MYO1B: variants seen among roughly 807,000 people sequenced by gnomAD.
MYO1B encodes unconventional myosin-Ib.
MYO1B carries 72 observed loss-of-function variants against 159.7 expected under a neutral mutation model. The observed-to-expected ratio is 0.45, with a 90% CI of 0.37 to 0.55. The LOEUF (loss-of-function observed/expected upper bound fraction) is 0.55, where lower values mean the gene tolerates loss of function less well. Ranked by LOEUF, MYO1B falls within the 20% of genes least tolerant of loss-of-function variation. The pLI is 0.00. For missense variants in MYO1B, 1,062 were observed against 1,364.8 expected, an observed-to-expected ratio of 0.78 and a Z score of 3.50; for synonymous variants, 468 against 473.8, an observed-to-expected ratio of 0.99 and a Z score of 0.16.
chr2:191,264,193 A>G (rs888865079), intron 1 of MYO1B, among the ~76,000 whole-genome samples: 3 of 152,166 alleles, frequency 2.0e-5, no homozygotes, highest in African/African-American at 7.2e-5. Context: ...CTCAATTTAC[A>G]TTATCAGTGT....
intron 2 of MYO1B, among the ~76,000 whole-genome samples, chr2:191,291,361 T>A (rs1688674974): frequency 6.6e-6 from 1 of 152,260 alleles, no homozygotes; most frequent in Admixed American, 6.5e-5. Context: ...TGATTCAGTG[T>A]CTGCCCTTGA....
chr2:191,310,060 G>A (rs908620110), intron 3 of MYO1B, among the ~76,000 whole-genome samples: 10 of 152,200 alleles, frequency 6.6e-5, no homozygotes, highest in African/African-American at 2.4e-4. Context: ...TGTCTTTAAG[G>A]ATTGTCCATT....
intron 26 of MYO1B, among the ~76,000 whole-genome samples, chr2:191,410,337 A>G (rs1697181691): frequency 1.3e-5 from 2 of 152,114 alleles, no homozygotes; most frequent in Admixed American, 6.5e-5. Context: ...TCTTCATGCA[A>G]TTATTTCAGT....
intron 14 of MYO1B, 131 bp downstream of exon 14, chr2:191,381,697 C>A: frequency 1.5e-6 from 1 of 656,132 alleles, no homozygotes; most frequent in Non-Finnish European, 2.6e-6. Flanking sequence ...ATCTGTCATT[C>A]TAGAAGAGGC....
rs759784680 is a variant in MYO1B at position 191,400,746 on chromosome 2, C to T, written c.2383-3C>T. On this transcript the variant is annotated splice_region_variant and splice_polypyrimidine_tract_variant and intron_variant, in intron 22 of 30. Transcript: ENST00000392318. ...CTGTAACTCCTTTTCAAATGCATCA[C>T]AGGCACGAAGGGAACTGAGACGGCT... is the stretch of plus-strand genomic sequence containing the variant. 2.5e-5 allele frequency: 40 copies of T among 1,613,746 alleles called. No individual in the cohort carries two copies. In the East Asian group the frequency reaches 8.0e-4, roughly 32 times the overall value.
At chr2:191,303,185 G>GT (rs201643544) in intron 3 of MYO1B, among the ~76,000 whole-genome samples, 2,794 of 150,140 alleles carry the variant, frequency 0.019, 86 homozygotes, top group African/African-American at 0.064. Flanking sequence ...TATGTAGTCA[G>GT]TTTTTTTTTT....
At chr2:191,315,924 G>A (rs1690318072) in intron 3 of MYO1B, among the ~76,000 whole-genome samples, 1 of 152,190 alleles carries the variant, frequency 6.6e-6, no homozygotes, top group Non-Finnish European at 1.5e-5. Flanking sequence ...ATAGGGTTGG[G>A]GAAGGGGAAC....
chr2:191,354,005 C>T (rs1326452436), intron 7 of MYO1B, among the ~76,000 whole-genome samples: 3 of 152,100 alleles, frequency 2.0e-5, no homozygotes, highest in East Asian at 1.9e-4. Context: ...TGCCTGTAAT[C>T]GCAGCACTTT....
chr2:191,414,367 A>G (rs982579125), intron 28 of MYO1B, 150 bp from the exon 29 acceptor site: 4 of 1,016,448 alleles, frequency 3.9e-6, no homozygotes, highest in South Asian at 4.1e-5. Context: ...GAAATAAAAC[A>G]TATTATTTAT....
intron 13 of MYO1B, 132 bp from the exon 14 acceptor site, chr2:191,381,330 C>T (rs533952613): frequency 7.3e-5 from 54 of 739,724 alleles, no homozygotes; most frequent in East Asian, 5.4e-4. Flanking sequence ...TCCTAGGAGC[C>T]GTGTGCTGGG....
chr2:191,413,934 A>G, intron 27 of MYO1B, 114 bp from the exon 28 acceptor site: 1 of 1,061,028 alleles, frequency 9.4e-7, no homozygotes, highest in African/African-American at 1.6e-5. Flanking sequence ...ATAAATTGAA[A>G]TCAATTTTTA....
chr2:191,269,582 A>G (rs1434285918), intron 1 of MYO1B, among the ~76,000 whole-genome samples: 1 of 152,214 alleles, frequency 6.6e-6, no homozygotes. Context: ...CTAAAGAATC[A>G]TAATGCTGGC....
rs559763386 is a variant in MYO1B at position 191,395,809 on chromosome 2, T to G, written c.2227-620T>G. 3.3e-5 allele frequency among the ~76,000 whole-genome samples: 5 copies of G among 152,370 alleles called. No homozygotes were observed. The South Asian group carries it at 1.0e-3, about 32-fold the overall frequency. On this transcript the variant is annotated intron_variant, in intron 20 of 30. Transcript: ENST00000392318. Reference sequence around the variant, plus strand: ...CTCCCAGGGTACTGTTTATCCTTTATACTGTTGACCTGTGTTCACTTCAAC... The same window carrying G: ...CTCCCAGGGTACTGTTTATCCTTTAGACTGTTGACCTGTGTTCACTTCAAC...
intron 3 of MYO1B, among the ~76,000 whole-genome samples, chr2:191,306,395 A>G (rs1397375895): frequency 6.6e-6 from 1 of 152,140 alleles, no homozygotes; most frequent in Non-Finnish European, 1.5e-5. Context: ...CCTAGGGTGC[A>G]AACTGAGGAT....
At chr2:191,415,604 G>GTT (rs533548172) in intron 29 of MYO1B, among the ~76,000 whole-genome samples, 6 of 145,356 alleles carry the variant, frequency 4.1e-5, no homozygotes, top group South Asian at 2.2e-4. Context: ...GTTTTGTTTT[G>GTT]TTTTTTTTTT....
rs1559257608 is a variant in MYO1B, at chr2:191,423,988, C to T, written c.*28C>T. The T allele has an allele frequency of 6.2e-7, 1 of 1,606,416 alleles. No individual in the cohort carries two copies. The highest frequency in any genetic ancestry group is 1.3e-5 in the African/African-American group (1 of 74,414). ...GGCGCCTCCTCTCTACTTTCATGGA[C>T]TTGTTCCTTTGTAATAGTGCAATTT... On this transcript the variant is annotated 3_prime_UTR_variant, in exon 31 of 31. Coordinates refer to ENST00000392318, the MANE Select transcript of MYO1B (RefSeq NM_001130158.3).
chr2:191,315,153 GTCCGTCCA>G (rs1160474459), intron 3 of MYO1B, among the ~76,000 whole-genome samples: 4 of 120,060 alleles, frequency 3.3e-5, no homozygotes, highest in African/African-American at 1.2e-4. Flanking sequence ...CCCACCGTCC[GTCCGTCCA>G]TCCATCCATC....
intron 18 of MYO1B, among the ~76,000 whole-genome samples, chr2:191,391,866 A>T (rs1488216221): frequency 6.6e-6 from 1 of 152,232 alleles, no homozygotes; most frequent in Non-Finnish European, 1.5e-5. Context: ...AAATCAAGAA[A>T]TTGGCTTTAA....
At chr2:191,280,046 C>T (rs1687965459) in intron 2 of MYO1B, among the ~76,000 whole-genome samples, 1 of 152,138 alleles carries the variant, frequency 6.6e-6, no homozygotes, top group South Asian at 2.1e-4. Flanking sequence ...TCCTCCCTCC[C>T]CCAACATATT....
Sources: gnomAD v4.1 joint callset for allele counts (sites outside exome capture counted in the v4.1 genomes callset) on GRCh38, gnomAD v4.1.1 for gene constraint, MANE v1.5 for transcripts, NCBI Gene and HGNC (gene_info 2026-07-23, HGNC 2026-07-21) for gene names.